Variants in PCDH17 observed in about 807,000 individuals in gnomAD.
PCDH17 encodes the protein protocadherin-17.
Under a neutral mutation model 67.7 loss-of-function variants are expected in PCDH17, and 21 were observed. The observed-to-expected ratio is 0.31, with a 90% CI of 0.22 to 0.45. The LOEUF is 0.45. PCDH17 is among the 20% of genes least tolerant of loss of function. The pLI is 1.00. For missense variants in PCDH17, 1,471 were observed against 1,564.8 expected, an observed-to-expected ratio of 0.94 and a Z score of 1.01; for synonymous variants, 701 against 656.7, an observed-to-expected ratio of 1.07 and a Z score of -1.03.
chr13:57,725,787 A>G lies in PCDH17; in HGVS notation c.*493A>G, dbSNP rs897923293. 1.3e-5 allele frequency: 2 copies of G among 154,374 alleles called. No individual in the cohort carries two copies. The highest frequency in any genetic ancestry group is 4.8e-5 in the African/African-American group (2 of 41,464). 9.6% of individuals were successfully genotyped at this position (154,374 alleles called of 1,614,324 possible). Reference sequence around the variant, plus strand: ...CAGGCTTCTACTGAAAGTCCTGAAAAGACCTTGCAGTAGTCCAAGCTACAC... The same window carrying G: ...CAGGCTTCTACTGAAAGTCCTGAAAGGACCTTGCAGTAGTCCAAGCTACAC... On this transcript the variant is annotated 3_prime_UTR_variant, in exon 4 of 4. Transcript: ENST00000377918.
chr13:57,723,054 G>C (rs749169308), intron 3 of PCDH17, among the ~76,000 whole-genome samples: 19 of 152,232 alleles, frequency 1.2e-4, no homozygotes, highest in Non-Finnish European at 2.1e-4. Context: ...TAGTATTTGC[G>C]TCTGTGGATG....
intron 1 of PCDH17, among the ~76,000 whole-genome samples, chr13:57,640,671 G>A (rs1954879549): frequency 6.6e-6 from 1 of 151,976 alleles, no homozygotes; most frequent in African/African-American, 2.4e-5. Flanking sequence ...TAGACGAAGA[G>A]AAACAAAAAT....
At chr13:57,680,661 G>C (rs1179930495) in intron 3 of PCDH17, among the ~76,000 whole-genome samples, 4 of 151,540 alleles carry the variant, frequency 2.6e-5, no homozygotes, top group South Asian at 4.1e-4. Context: ...TGATGGCCAA[G>C]CTGATCATTC....
intron 3 of PCDH17, among the ~76,000 whole-genome samples, chr13:57,711,466 T>A (rs1955775566): frequency 6.6e-6 from 1 of 151,920 alleles, no homozygotes; most frequent in African/African-American, 2.4e-5. Context: ...TATATGAATG[T>A]AATTTTTTAA....
intron 3 of PCDH17, among the ~76,000 whole-genome samples, chr13:57,673,114 A>G (rs924016357): frequency 6.6e-6 from 1 of 151,932 alleles, no homozygotes; most frequent in Non-Finnish European, 1.5e-5. Flanking sequence ...CAGTAAATGT[A>G]CTTAATCTAA....
rs567092609 is a variant in PCDH17, at chr13:57,725,944, A to T, written c.*650A>T. ...AAAAACCTTTGGTCATTTGTAAGAC[A>T]TCTCATGTCATATAAAAGTTAAATG... On this transcript the variant is annotated 3_prime_UTR_variant, in exon 4 of 4. Transcript: ENST00000377918. 13 of 152,688 alleles carry T rather than the reference A, an allele frequency of 8.5e-5. No homozygotes were observed. In the East Asian group the frequency reaches 2.3e-3, roughly 27 times the overall value. The allele number at this position is 152,688 out of a possible 1,614,324, so 9.5% of individuals were successfully genotyped here.
At chr13:57,701,094 G>C (rs1424021248) in intron 3 of PCDH17, among the ~76,000 whole-genome samples, 1 of 151,968 alleles carries the variant, frequency 6.6e-6, no homozygotes, top group African/African-American at 2.4e-5. Flanking sequence ...ATAATAACTA[G>C]ATGTTTAGAC....
At chr13:57,644,526 T>TA (rs138316142) in intron 1 of PCDH17, among the ~76,000 whole-genome samples, 9,996 of 150,386 alleles carry the variant, frequency 0.066, 455 homozygotes, top group East Asian at 0.25. Flanking sequence ...CTATTTCTAT[T>TA]AAAAAAAAAG....
In PCDH17 at chr13:57,721,373, GTATATATTGAA is replaced by G. The variant is rs543388842; in HGVS notation, c.2798-3233_2798-3223del. On this transcript the variant is annotated intron_variant, in intron 3 of 3. Coordinates refer to ENST00000377918, the MANE Select transcript of PCDH17 (RefSeq NM_001040429.3). Reference sequence around the variant, plus strand: ...AGGGTTTCTGGACTTGTTTTCTGGTGTATATATTGAATATATGCAAACGGTGGCTATCTAAA... The same window carrying G: ...AGGGTTTCTGGACTTGTTTTCTGGTGTATATGCAAACGGTGGCTATCTAAA... Among the ~76,000 whole-genome samples the G allele has an allele frequency of 2.7e-3, 408 of 152,056 alleles. 1 individual carries two copies. The highest frequency in any genetic ancestry group is 9.2e-3 in the African/African-American group (380 of 41,492).
At chr13:57,693,270 T>TA (rs1297318324) in intron 3 of PCDH17, among the ~76,000 whole-genome samples, 2 of 140,538 alleles carry the variant, frequency 1.4e-5, no homozygotes, top group Non-Finnish European at 3.1e-5. Context: ...GTATTTGAGG[T>TA]AAAAAAAATT....
chr13:57,674,131 C>T (rs1324807883), intron 3 of PCDH17, among the ~76,000 whole-genome samples: 6 of 151,858 alleles, frequency 4.0e-5, no homozygotes, highest in Non-Finnish European at 7.4e-5. Flanking sequence ...TGATTTACTA[C>T]GGACTCATGT....
chr13:57,665,353 A>G (rs1436332141), intron 1 of PCDH17, among the ~76,000 whole-genome samples: 1 of 152,056 alleles, frequency 6.6e-6, no homozygotes. Context: ...CACAAATTCA[A>G]ATGCTTTATA....
intron 3 of PCDH17, among the ~76,000 whole-genome samples, chr13:57,669,721 C>T (rs1955297818): frequency 6.6e-6 from 1 of 152,046 alleles, no homozygotes; most frequent in Non-Finnish European, 1.5e-5. Flanking sequence ...TTAACTGGCA[C>T]AGCAGGTTGG....
intron 1 of PCDH17, among the ~76,000 whole-genome samples, chr13:57,641,587 A>T (rs7991783): frequency 0.25 from 5,003 of 20,342 alleles, 881 homozygotes; most frequent in Non-Finnish European, 0.31. Context: ...AAAAAAAAAA[A>T]ATATATATAT....
At chr13:57,682,049 A>T in intron 3 of PCDH17, among the ~76,000 whole-genome samples, 1 of 151,720 alleles carries the variant, frequency 6.6e-6, no homozygotes, top group Non-Finnish European at 1.5e-5. Flanking sequence ...TAGAGCAGCA[A>T]CAACAACAAA....
At chr13:57,670,151 C>T (rs994573797) in intron 3 of PCDH17, among the ~76,000 whole-genome samples, 3 of 151,816 alleles carry the variant, frequency 2.0e-5, no homozygotes, top group African/African-American at 4.8e-5. Context: ...ATGCTATTCA[C>T]GTAATGAGTA....
chr13:57,653,193 T>C (rs1186626417), intron 1 of PCDH17, among the ~76,000 whole-genome samples: 2 of 152,158 alleles, frequency 1.3e-5, no homozygotes, highest in Admixed American at 1.3e-4. Context: ...AATTCTCAGA[T>C]TTAATCATAG....
At chr13:57,643,314 GA>G (rs1193187919) in intron 1 of PCDH17, among the ~76,000 whole-genome samples, 1 of 151,374 alleles carries the variant, frequency 6.6e-6, no homozygotes, top group African/African-American at 2.4e-5. Flanking sequence ...AATATAATAA[GA>G]AAAAAGTTAT....
chr13:57,665,417 A>G (rs1171579100), intron 1 of PCDH17, among the ~76,000 whole-genome samples: 2 of 152,160 alleles, frequency 1.3e-5, no homozygotes, highest in Non-Finnish European at 2.9e-5. Context: ...TAGCCTTATT[A>G]ATAAGGAAAG....
Sources: gnomAD v4.1 joint callset for allele counts (sites outside exome capture counted in the v4.1 genomes callset) on GRCh38, gnomAD v4.1.1 for gene constraint, MANE v1.5 for transcripts, NCBI Gene and HGNC (gene_info 2026-07-23, HGNC 2026-07-21) for gene names.